RIMS2: variants seen among roughly 807,000 people sequenced by gnomAD.
RIMS2 encodes the protein regulating synaptic membrane exocytosis protein 2.
In RIMS2, 59 loss-of-function variants were observed where a neutral mutation model predicts 174.4. The ratio of observed to expected loss-of-function variants is 0.34; its 90% CI spans 0.27 to 0.42. The LOEUF (loss-of-function observed/expected upper bound fraction) is 0.42. Ranked by LOEUF, RIMS2 falls within the 10% of genes least tolerant of loss-of-function variation. The pLI, the probability that RIMS2 is intolerant of heterozygous loss-of-function variation, is 1.00. For synonymous variants in RIMS2, 606 were observed against 572.5 expected, an observed-to-expected ratio of 1.06 and a Z score of -0.84; for missense variants, 1,620 against 1,666.3, an observed-to-expected ratio of 0.97 and a Z score of 0.48.
chr8:103,958,759 A>C (rs900501601), intron 14 of RIMS2, among the ~76,000 whole-genome samples: 3 of 152,214 alleles, frequency 2.0e-5, no homozygotes, highest in Non-Finnish European at 2.9e-5. Context: ...TTTAAAGATT[A>C]AACTTTACAA....
intron 3 of RIMS2, among the ~76,000 whole-genome samples, chr8:103,788,394 T>A (rs996672117): frequency 1.4e-5 from 2 of 144,274 alleles, no homozygotes. Context: ...TTCCCCATCT[T>A]TGTGGTTTTA....
chr8:103,921,943 A>G (rs1474539180), intron 10 of RIMS2, 159 bp downstream of exon 13: 1 of 437,460 alleles, frequency 2.3e-6, no homozygotes, highest in Non-Finnish European at 4.1e-6. Flanking sequence ...AATTTTGATT[A>G]TTTATCATAC....
intron 19 of RIMS2, among the ~76,000 whole-genome samples, chr8:104,049,594 C>T (rs761624780): frequency 6.6e-6 from 1 of 152,106 alleles, no homozygotes. Flanking sequence ...TTCCTAATTT[C>T]TCCAATCTCA....
At chr8:104,190,039 C>T (rs1282945368) in intron 19 of RIMS2, among the ~76,000 whole-genome samples, 4 of 152,006 alleles carry the variant, frequency 2.6e-5, no homozygotes, top group African/African-American at 7.2e-5. Flanking sequence ...CATGGTGGCT[C>T]ATGTCTGTAA....
chr8:104,038,219 T>C (rs144530452), intron 19 of RIMS2, among the ~76,000 whole-genome samples: 1 of 152,154 alleles, frequency 6.6e-6, no homozygotes, highest in Non-Finnish European at 1.5e-5. Flanking sequence ...AGTTTATTCA[T>C]TATATTTTAT....
At chr8:104,201,890 T>C (rs1238308670) in intron 19 of RIMS2, among the ~76,000 whole-genome samples, 2 of 152,190 alleles carry the variant, frequency 1.3e-5, no homozygotes, top group African/African-American at 4.8e-5. Flanking sequence ...TCAGCTCTAT[T>C]GTAGAAGCTA....
At chr8:104,196,913 A>G (rs1021860958) in intron 19 of RIMS2, among the ~76,000 whole-genome samples, 17 of 152,210 alleles carry the variant, frequency 1.1e-4, no homozygotes, top group African/African-American at 3.6e-4. Flanking sequence ...TCCCACTTAC[A>G]TTTAATTTAC....
intron 19 of RIMS2, among the ~76,000 whole-genome samples, chr8:104,111,724 T>C (rs2098187700): frequency 6.6e-6 from 1 of 152,172 alleles, no homozygotes; most frequent in Admixed American, 6.5e-5. Context: ...GCTATCTGTC[T>C]GTCTTTTTCT....
intron 17 of RIMS2, among the ~76,000 whole-genome samples, chr8:103,994,073 TA>T (rs1269409597): frequency 7.5e-5 from 11 of 146,538 alleles, no homozygotes; most frequent in East Asian, 4.0e-4. Context: ...AAAAAAAGAA[TA>T]AAAAAAATGT....
intron 3 of RIMS2, among the ~76,000 whole-genome samples, chr8:103,858,729 CTA>C (rs1185183251): frequency 1.9e-5 from 2 of 103,726 alleles, no homozygotes; most frequent in Admixed American, 8.9e-5. Context: ...CAATACATAC[CTA>C]TACACACACA....
intron 14 of RIMS2, among the ~76,000 whole-genome samples, chr8:103,951,491 C>T (rs1298209102): frequency 6.6e-6 from 1 of 152,160 alleles, no homozygotes; most frequent in Non-Finnish European, 1.5e-5. Flanking sequence ...GTTGCCTCAC[C>T]CAGGAAGTGC....
intron 17 of RIMS2, among the ~76,000 whole-genome samples, chr8:104,010,023 TGGACGGAC>T (rs145930054): frequency 2.6e-4 from 39 of 151,436 alleles, no homozygotes; most frequent in South Asian, 6.3e-4. Context: ...GACGGACGGA[TGGACGGAC>T]GGACGGATGA....
intron 19 of RIMS2, among the ~76,000 whole-genome samples, chr8:104,083,749 G>T (rs2097478151): frequency 1.3e-5 from 2 of 152,182 alleles, no homozygotes; most frequent in South Asian, 4.1e-4. Context: ...TTGTATGTAT[G>T]TATCAGAATA....
At chr8:103,517,344 G>C (rs1490406218) in intron 1 of RIMS2, among the ~76,000 whole-genome samples, 1 of 152,150 alleles carries the variant, frequency 6.6e-6, no homozygotes, top group Admixed American at 6.5e-5. Context: ...AAAGCATAGT[G>C]CATGGTGTCT....
At chr8:103,599,546 C>G (rs1051155650) in intron 1 of RIMS2, among the ~76,000 whole-genome samples, 1 of 151,406 alleles carries the variant, frequency 6.6e-6, no homozygotes, top group African/African-American at 2.4e-5. Context: ...TCAGGTGATC[C>G]TCCCACCTCA....
intron 3 of RIMS2, among the ~76,000 whole-genome samples, chr8:103,870,868 A>G (rs1286612964): frequency 6.6e-6 from 1 of 152,164 alleles, no homozygotes; most frequent in Non-Finnish European, 1.5e-5. Flanking sequence ...TAGGATTACA[A>G]CCAGAATATC....
chr8:104,035,555 G>C (rs1435619569), intron 19 of RIMS2, among the ~76,000 whole-genome samples: 1 of 150,936 alleles, frequency 6.6e-6, no homozygotes, highest in Non-Finnish European at 1.5e-5. Flanking sequence ...TTTGTAAAAT[G>C]TATCTTTAGG....
At chr8:104,099,132 A>C (rs2097819870) in intron 19 of RIMS2, among the ~76,000 whole-genome samples, 1 of 152,214 alleles carries the variant, frequency 6.6e-6, no homozygotes, top group African/African-American at 2.4e-5. Context: ...AATTTGAGGT[A>C]ATTGGTTCTG....
At chr8:104,032,709 A>G (rs2096424125) in intron 19 of RIMS2, among the ~76,000 whole-genome samples, 1 of 152,072 alleles carries the variant, frequency 6.6e-6, no homozygotes, top group Non-Finnish European at 1.5e-5. Context: ...AATTAAAAAT[A>G]GTTGTGTCTG....
Sources: allele counts gnomAD v4.1 joint callset (sites outside exome capture counted in the v4.1 genomes callset), GRCh38; gene constraint gnomAD v4.1.1; transcripts MANE v1.5; gene names NCBI Gene and HGNC (gene_info 2026-07-23, HGNC 2026-07-21).